The following ITFG1 variants were observed in gnomAD, a reference collection of about 807,000 sequenced individuals.
ITFG1 encodes the protein T-cell immunomodulatory protein.
A neutral mutation model predicts 81.8 loss-of-function variants in ITFG1; 34 were observed. The ratio of observed to expected loss-of-function variants is 0.42; its 90% CI spans 0.32 to 0.55. The LOEUF (loss-of-function observed/expected upper bound fraction) is 0.55, where lower values mean the gene tolerates loss of function less well. Among genes scored for constraint, ITFG1 ranks in the 20% least tolerant of loss-of-function variants. The pLI is 0.17. For missense variants in ITFG1, 672 were observed against 755.4 expected, an observed-to-expected ratio of 0.89 and a Z score of 1.29; for synonymous variants, 285 against 270.6, an observed-to-expected ratio of 1.05 and a Z score of -0.52.
At chr16:47,378,834 C>G (rs1968359817) in intron 6 of ITFG1, among the ~76,000 whole-genome samples, 1 of 152,006 alleles carries the variant, frequency 6.6e-6, no homozygotes, top group South Asian at 2.1e-4. Context: ...AATGAAGAAA[C>G]TCCTAAAGAA....
chr16:47,451,480 A>T lies in ITFG1; in HGVS notation c.486-10T>A, dbSNP rs1196098570. ...TAGATCACCATTGAAACTGAAAAAA[A>T]ATTAAAACAATAAGCAGCTATTTCT... is the stretch of plus-strand genomic sequence containing the variant. On this transcript the variant is annotated splice_polypyrimidine_tract_variant and intron_variant, in intron 4 of 17. Coordinates refer to ENST00000320640, the MANE Select transcript of ITFG1 (RefSeq NM_030790.5). The T allele has an allele frequency of 1.4e-6, 2 of 1,389,660 alleles. No homozygotes were observed. Among genetic ancestry groups the T allele is most frequent in the Non-Finnish European group, 2.0e-6 (2 of 989,034 alleles). The allele number at this position is 1,389,660 out of a possible 1,614,324, so 86.1% of individuals were successfully genotyped here.
chr16:47,386,944 G>C (rs1968470657), intron 6 of ITFG1, among the ~76,000 whole-genome samples: 3 of 152,116 alleles, frequency 2.0e-5, no homozygotes, highest in South Asian at 4.1e-4. Context: ...CACAGACCAG[G>C]GCTTAACAGA....
chr16:47,454,871 T>C (rs1969432766), intron 2 of ITFG1, among the ~76,000 whole-genome samples: 1 of 152,202 alleles, frequency 6.6e-6, no homozygotes, highest in Admixed American at 6.5e-5. Context: ...CTTTAATTCA[T>C]TTTATACTTA....
At chr16:47,189,017 G>A (rs1163440075) in intron 14 of ITFG1, among the ~76,000 whole-genome samples, 1 of 152,184 alleles carries the variant, frequency 6.6e-6, no homozygotes, top group African/African-American at 2.4e-5. Context: ...ACCTGCCTCA[G>A]CCTTCTAAAG....
chr16:47,254,380 ATAT>A lies in ITFG1; in HGVS notation c.1330+4249_1330+4251del, dbSNP rs371724043. On this transcript the variant is annotated intron_variant, in intron 12 of 17. Transcript: ENST00000320640. ...CTGAGAACTGCCTACTCTCTTTAGCATATTATTATTATTATTATTATTATTACA... is the reference window on the plus strand; with the variant it reads ...CTGAGAACTGCCTACTCTCTTTAGCATATTATTATTATTATTATTATTACA... 8.1e-4 allele frequency among the ~76,000 whole-genome samples: 122 copies of A among 150,862 alleles called. 1 individual carries two copies. The highest frequency in any genetic ancestry group is 2.4e-3 in the African/African-American group (100 of 41,228).
intron 10 of ITFG1, among the ~76,000 whole-genome samples, chr16:47,286,902 CAT>C (rs1966871773): frequency 2.0e-5 from 3 of 152,210 alleles, no homozygotes; most frequent in African/African-American, 7.2e-5. Context: ...ACTCACTGAA[CAT>C]CTCACATTTA....
At chr16:47,176,785 T>G (rs1965030965) in intron 14 of ITFG1, among the ~76,000 whole-genome samples, 1 of 152,162 alleles carries the variant, frequency 6.6e-6, no homozygotes, top group South Asian at 2.1e-4. Flanking sequence ...ATATGTTTGT[T>G]TTCTCATCCC....
intron 12 of ITFG1, among the ~76,000 whole-genome samples, chr16:47,254,541 G>A (rs953590417): frequency 3.3e-5 from 5 of 152,240 alleles, no homozygotes; most frequent in African/African-American, 1.2e-4. Flanking sequence ...GGAGTCGCAG[G>A]CCCTCATGCT....
At chr16:47,328,577 C>G (rs567467552) in intron 8 of ITFG1, among the ~76,000 whole-genome samples, 9 of 152,076 alleles carry the variant, frequency 5.9e-5, no homozygotes, top group Non-Finnish European at 1.3e-4. Context: ...GGTGTTAAAA[C>G]AGAAGAAAAA....
At chr16:47,448,505 G>C (rs973987840) in intron 5 of ITFG1, 3 of 151,906 alleles carry the variant, frequency 2.0e-5, no homozygotes, top group African/African-American at 7.3e-5. Context: ...AACAGTGTAC[G>C]GCAAAGTATA....
chr16:47,346,585 A>AT (rs1967858236), intron 8 of ITFG1, among the ~76,000 whole-genome samples: 1 of 152,236 alleles, frequency 6.6e-6, no homozygotes, highest in African/African-American at 2.4e-5. Flanking sequence ...AGCAGGCATT[A>AT]TAACTGATAG....
At chr16:47,343,288 C>G (rs1431871490) in intron 8 of ITFG1, among the ~76,000 whole-genome samples, 3 of 152,008 alleles carry the variant, frequency 2.0e-5, no homozygotes, top group African/African-American at 7.2e-5. Flanking sequence ...GAAAAAGGAC[C>G]CAGCATCTTT....
chr16:47,460,800 C>T lies in ITFG1; in HGVS notation c.208+38G>A, dbSNP rs117882010. 7 of 1,603,394 alleles carry T rather than the reference C, an allele frequency of 4.4e-6. No individual in the cohort carries two copies. In the South Asian group the frequency reaches 7.8e-5, roughly 18 times the overall value. On this transcript the variant is annotated intron_variant, in intron 1 of 17. Transcript: ENST00000320640. ...TTTGGGGAACACCGGGAGAGGCACA[C>T]GGACAGCGAACAGAGGGAGGGCCCG...
At chr16:47,346,964 C>T (rs919070417) in intron 8 of ITFG1, among the ~76,000 whole-genome samples, 25 of 152,194 alleles carry the variant, frequency 1.6e-4, no homozygotes, top group Non-Finnish European at 2.4e-4. Context: ...AACAACAAAA[C>T]TACAGGCCAA....
At chr16:47,367,300 T>A (rs2151587328) in intron 7 of ITFG1, among the ~76,000 whole-genome samples, 1 of 152,326 alleles carries the variant, frequency 6.6e-6, no homozygotes, top group South Asian at 2.1e-4. Flanking sequence ...TATGATGGTT[T>A]CATTATGTAG....
intron 3 of ITFG1, among the ~76,000 whole-genome samples, chr16:47,453,592 G>T (rs1969415490): frequency 6.6e-6 from 1 of 152,198 alleles, no homozygotes; most frequent in Admixed American, 6.5e-5. Flanking sequence ...AAGAGACCAG[G>T]TGCAGCATTC....
At chr16:47,412,621 G>A (rs1457390320) in intron 6 of ITFG1, among the ~76,000 whole-genome samples, 1 of 150,846 alleles carries the variant, frequency 6.6e-6, no homozygotes, top group Non-Finnish European at 1.5e-5. Flanking sequence ...TTGAACCCAA[G>A]GAGGTGGAGG....
chr16:47,167,384 A>G (rs1964905563), intron 14 of ITFG1, among the ~76,000 whole-genome samples: 2 of 152,186 alleles, frequency 1.3e-5, no homozygotes, highest in South Asian at 4.1e-4. Context: ...TTAACTGATG[A>G]CATTCCACCA....
intron 5 of ITFG1, among the ~76,000 whole-genome samples, chr16:47,441,521 C>T (rs1969250158): frequency 6.6e-6 from 1 of 152,218 alleles, no homozygotes; most frequent in Admixed American, 6.5e-5. Flanking sequence ...AAGGCTGGTT[C>T]AACATACGAA....
Sources: allele counts gnomAD v4.1 joint callset (sites outside exome capture counted in the v4.1 genomes callset), GRCh38; gene constraint gnomAD v4.1.1; transcripts MANE v1.5; gene names NCBI Gene and HGNC (gene_info 2026-07-23, HGNC 2026-07-21).